Variants in KHDRBS2 observed in about 807,000 individuals in gnomAD.
KHDRBS2 encodes KH RNA binding domain containing, signal transduction associated 2.
A neutral mutation model predicts 44.3 loss-of-function variants in KHDRBS2; 26 were observed. The ratio of observed to expected loss-of-function variants is 0.59; its 90% CI spans 0.43 to 0.81. KHDRBS2 has a LOEUF of 0.81. Ranked by LOEUF, KHDRBS2 falls within the 40% of genes least tolerant of loss-of-function variation. KHDRBS2 has a pLI of 0.00. For synonymous variants in KHDRBS2, 194 were observed against 151.1 expected, an observed-to-expected ratio of 1.28 and a Z score of -2.08; for missense variants, 476 against 433.1, an observed-to-expected ratio of 1.10 and a Z score of -0.88.
chr6:62,021,434 T>C (rs565132003), intron 3 of KHDRBS2, among the ~76,000 whole-genome samples: 1 of 151,994 alleles, frequency 6.6e-6, no homozygotes, highest in Non-Finnish European at 1.5e-5. Context: ...AATAAAAATG[T>C]GTGTTTCTTG....
chr6:62,237,220 G>A (rs1432787809), intron 1 of KHDRBS2, among the ~76,000 whole-genome samples: 6 of 152,086 alleles, frequency 3.9e-5, no homozygotes, highest in African/African-American at 1.4e-4. Context: ...GTATTTCTTT[G>A]AATTTCACAA....
intron 1 of KHDRBS2, among the ~76,000 whole-genome samples, chr6:62,201,984 T>G (rs1158746018): frequency 6.6e-6 from 1 of 151,962 alleles, no homozygotes; most frequent in Non-Finnish European, 1.5e-5. Flanking sequence ...ACCTTTAGGG[T>G]TGAAAACTCT....
chr6:62,243,434 T>TA lies in KHDRBS2; in HGVS notation c.91+42423dup, dbSNP rs1478149618. Among the ~76,000 whole-genome samples the TA allele has an allele frequency of 2.0e-5, 3 of 152,134 alleles. No individual in the cohort carries two copies. The East Asian group carries it at 5.8e-4, about 30-fold the overall frequency. On this transcript the variant is annotated intron_variant, in intron 1 of 8. Transcript: ENST00000281156. Reference sequence around the variant, plus strand: ...ATTCAGTAACCTCAACATAGAAATCTAAAATCAAAATGATCACACTGCTAG... The same window carrying TA: ...ATTCAGTAACCTCAACATAGAAATCTAAAAATCAAAATGATCACACTGCTAG...
intron 1 of KHDRBS2, among the ~76,000 whole-genome samples, chr6:62,206,372 G>A (rs1459148874): frequency 6.6e-6 from 1 of 152,050 alleles, no homozygotes; most frequent in African/African-American, 2.4e-5. Flanking sequence ...AAAAGAAACT[G>A]AAACATATAT....
chr6:61,867,942 C>G (rs537009278), intron 6 of KHDRBS2, among the ~76,000 whole-genome samples: 230 of 152,200 alleles, frequency 1.5e-3, no homozygotes, highest in Non-Finnish European at 2.9e-3. Flanking sequence ...AGATCAGGGA[C>G]CAGCTTAAAG....
At chr6:61,936,450 T>G (rs1229799955) in intron 4 of KHDRBS2, among the ~76,000 whole-genome samples, 1 of 152,042 alleles carries the variant, frequency 6.6e-6, no homozygotes, top group Non-Finnish European at 1.5e-5. Context: ...TTTAGTGTTA[T>G]CCTGTATCTC....
chr6:62,104,850 A>G (rs1802781113), intron 2 of KHDRBS2, among the ~76,000 whole-genome samples: 1 of 152,098 alleles, frequency 6.6e-6, no homozygotes, highest in Admixed American at 6.5e-5. Flanking sequence ...AATTAACACA[A>G]CAGTAGTTCT....
At chr6:61,924,239 TTGA>T (rs1808560272) in intron 4 of KHDRBS2, among the ~76,000 whole-genome samples, 1 of 152,034 alleles carries the variant, frequency 6.6e-6, no homozygotes, top group Non-Finnish European at 1.5e-5. Context: ...TCTCCTGAAA[TTGA>T]TTTACCCATT....
intron 2 of KHDRBS2, among the ~76,000 whole-genome samples, chr6:62,104,918 A>G (rs1438213279): frequency 6.6e-6 from 1 of 152,142 alleles, no homozygotes; most frequent in African/African-American, 2.4e-5. Context: ...AAAGAAAAGG[A>G]AAGATAAAAA....
chr6:61,889,781 C>A (rs765442523), intron 6 of KHDRBS2, among the ~76,000 whole-genome samples: 2 of 152,166 alleles, frequency 1.3e-5, no homozygotes, highest in Non-Finnish European at 2.9e-5. Context: ...CTGTCCACTG[C>A]CCCAATGTTA....
the KHDRBS2 span, among the ~76,000 whole-genome samples, chr6:61,579,451 T>C: frequency 6.6e-6 from 1 of 152,280 alleles, no homozygotes; most frequent in African/African-American, 2.4e-5. Flanking sequence ...CATTTTGTTT[T>C]GTTTTGAGTC....
chr6:61,675,179 G>C (rs995978431), downstream of KHDRBS2, among the ~76,000 whole-genome samples: 2 of 151,480 alleles, frequency 1.3e-5, no homozygotes, highest in Non-Finnish European at 3.0e-5. Context: ...AACTTAAAAA[G>C]TTACATTTTA....
chr6:61,778,548 G>C (rs1185137782), intron 6 of KHDRBS2, among the ~76,000 whole-genome samples: 1 of 152,184 alleles, frequency 6.6e-6, no homozygotes, highest in East Asian at 1.9e-4. Context: ...GCAGTTAAAA[G>C]AAAAAGATAA....
chr6:61,667,552 T>C, the KHDRBS2 span, among the ~76,000 whole-genome samples: 1 of 151,310 alleles, frequency 6.6e-6, no homozygotes, highest in Non-Finnish European at 1.5e-5. Flanking sequence ...AGCCTTTTCC[T>C]AAGAGGGCTC....
intron 2 of KHDRBS2, among the ~76,000 whole-genome samples, chr6:62,063,595 ACT>A (rs1792664085): frequency 6.6e-6 from 1 of 151,428 alleles, no homozygotes; most frequent in African/African-American, 2.4e-5. Flanking sequence ...CATGATAAAA[ACT>A]CTCAATAAAT....
intron 2 of KHDRBS2, among the ~76,000 whole-genome samples, chr6:62,160,948 C>T (rs984345905): frequency 1.3e-5 from 2 of 152,084 alleles, no homozygotes; most frequent in African/African-American, 4.8e-5. Flanking sequence ...GAAACTGAAA[C>T]TCTATATCCA....
chr6:62,088,420 T>C (rs6929099), intron 2 of KHDRBS2, among the ~76,000 whole-genome samples: 94,214 of 152,034 alleles, frequency 0.62, 29,408 homozygotes, highest in African/African-American at 0.64. Flanking sequence ...GATGCTATTG[T>C]TTTCTGTTTC....
At chr6:62,182,648 T>C (rs1418282975) in intron 1 of KHDRBS2, among the ~76,000 whole-genome samples, 1 of 151,928 alleles carries the variant, frequency 6.6e-6, no homozygotes, top group Admixed American at 6.6e-5. Flanking sequence ...TGGATGAATT[T>C]TTTGAAGGTT....
chr6:61,771,324 T>A (rs980406125), intron 6 of KHDRBS2, among the ~76,000 whole-genome samples: 1 of 152,046 alleles, frequency 6.6e-6, no homozygotes, highest in African/African-American at 2.4e-5. Flanking sequence ...AGGATCAAAT[T>A]CACACATAAC....
Sources: gnomAD v4.1 joint callset for allele counts (sites outside exome capture counted in the v4.1 genomes callset) on GRCh38, gnomAD v4.1.1 for gene constraint, MANE v1.5 for transcripts, NCBI Gene and HGNC (gene_info 2026-07-23, HGNC 2026-07-21) for gene names.